The following HPS4 variants were observed in gnomAD, a reference collection of about 807,000 sequenced individuals.
HPS4 encodes the protein HPS4 biogenesis of lysosomal organelles complex 3 subunit 2.
HPS4 carries 44 observed loss-of-function variants against 70.3 expected under a neutral mutation model. The ratio of observed to expected loss-of-function variants is 0.63; its 90% CI spans 0.49 to 0.80. HPS4 has a LOEUF of 0.80. HPS4 is among the 30% of genes least tolerant of loss of function. The probability of loss-of-function intolerance (pLI) is 0.00; values close to 1 mark genes in which losing one functional copy is unlikely to be tolerated. For synonymous variants in HPS4, 377 were observed against 355.9 expected, an observed-to-expected ratio of 1.06 and a Z score of -0.67; for missense variants, 873 against 884.4, an observed-to-expected ratio of 0.99 and a Z score of 0.16.
intron 11 of HPS4, 35 bp downstream of exon 11, chr22:26,463,882 C>T (rs1242243181): frequency 1.9e-6 from 3 of 1,606,142 alleles, no homozygotes; most frequent in South Asian, 1.1e-5. Flanking sequence ...CGGCAGAGGC[C>T]GCAGAGGGGC....
chr22:26,446,984 G>A (rs887061881), downstream of HPS4, among the ~76,000 whole-genome samples: 3 of 152,146 alleles, frequency 2.0e-5, no homozygotes, highest in East Asian at 1.9e-4. Flanking sequence ...CCTCTGCCCC[G>A]CAAAGTGCTG....
At chr22:26,468,483 C>T (rs572970496) in intron 8 of HPS4, 68 bp downstream of exon 8, 16 of 1,382,832 alleles carry the variant, frequency 1.2e-5, no homozygotes, top group East Asian at 9.4e-5. Context: ...CTGATCCCTC[C>T]AGCCTCAGGC....
At chr22:26,468,890 T>G (rs1484086598) in intron 7 of HPS4, among the ~76,000 whole-genome samples, 3 of 151,832 alleles carry the variant, frequency 2.0e-5, no homozygotes, top group Non-Finnish European at 4.4e-5. Context: ...AAAAAATGAG[T>G]AAACCACCAA....
In HPS4 at chr22:26,464,270, G is replaced by T. The variant is rs186173240; in HGVS notation, c.1360C>A (p.Pro454Thr). 1.9e-6 allele frequency: 3 copies of T among 1,614,138 alleles called. No individual in the cohort carries two copies. Among genetic ancestry groups the T allele is most frequent in the East Asian group, 4.5e-5 (2 of 44,872 alleles). The change falls in exon 11 of 14, where the codon CCC (proline) becomes ACC (threonine). Residue 454 changes from proline to threonine, a missense_variant. Coordinates refer to ENST00000398145, the MANE Select transcript of HPS4 (RefSeq NM_022081.6). ...EDHPGHSSQA[P>T]IPRADPLPRR... ...GGGAGAGGGTCTGCTCTGGGAATGG[G>T]GGCTTGGCTGCTATGGCCAGGATGG...
chr22:26,468,351 G>C, intron 8 of HPS4, 200 bp downstream of exon 8: 1 of 620,006 alleles, frequency 1.6e-6, no homozygotes. Flanking sequence ...TCCAGGCCTA[G>C]CTCGTGGAAG....
rs766139027 is a variant in HPS4 at position 26,481,724 on chromosome 22, C to T, written c.39G>A (p.Ser13=). The T allele has an allele frequency of 1.1e-4, 170 of 1,614,116 alleles. No individual in the cohort carries two copies. Among genetic ancestry groups the T allele is most frequent in the Middle Eastern group, 1.6e-4 (1 of 6,062 alleles). The change falls in exon 2 of 14, where the codon TCG becomes TCA. Residue 13 remains serine (S), a splice_region_variant and synonymous_variant. Transcript: ENST00000398145. ...CCATGGCAGGCCTTGTTACTCACCA[C>T]GAGGCTGACTTTGCCTCTGTGGAGG... ...TSTSTEAKSA[S]WWNYFFLYDG...
At chr22:26,450,012 T>C (rs2085090398), downstream of HPS4, among the ~76,000 whole-genome samples, 1 of 152,154 alleles carries the variant, frequency 6.6e-6, no homozygotes, top group Non-Finnish European at 1.5e-5. Flanking sequence ...GCCACATCAC[T>C]CCAGTCTTTG....
intron 11 of HPS4, among the ~76,000 whole-genome samples, chr22:26,461,023 C>T (rs762871164): frequency 3.9e-5 from 6 of 152,172 alleles, no homozygotes; most frequent in South Asian, 2.1e-4. Flanking sequence ...TGCCAGCCAC[C>T]GATATATACT....
At position 26,464,092 on chromosome 22, in the gene HPS4, G is replaced by A. The variant is rs778346173; in HGVS notation, c.1538C>T (p.Ala513Val). The A allele has an allele frequency of 6.2e-7, 1 of 1,614,160 alleles. No homozygotes were observed. The highest frequency in any genetic ancestry group is 1.3e-5 in the African/African-American group (1 of 74,950). The change falls in exon 11 of 14, where the codon GCA (alanine) becomes GTA (valine). Residue 513 changes from alanine (A) to valine (V), a missense_variant. Physicochemically the swap from Ala to Val is moderately conservative, Grantham distance 64 (BLOSUM62 0). Coordinates refer to ENST00000398145, the MANE Select transcript of HPS4 (RefSeq NM_022081.6). ...AGAGGGGCCAGCACCCTGACAGTTT[G>A]CTGAGCCTGAACTGCATTCCAGACC... ...APGLECSSGSANCQGAGPSAD... is the reference protein window; with the variant it reads ...APGLECSSGSVNCQGAGPSAD...
intron 3 of HPS4, among the ~76,000 whole-genome samples, chr22:26,445,291 G>A (rs904363395): frequency 2.6e-5 from 4 of 152,062 alleles, no homozygotes; most frequent in African/African-American, 7.2e-5. Flanking sequence ...CCTAGGTCGC[G>A]CCAGTGCACT....
downstream of HPS4, among the ~76,000 whole-genome samples, chr22:26,450,377 T>C (rs566305892): frequency 2.6e-5 from 4 of 152,296 alleles, no homozygotes; most frequent in African/African-American, 4.8e-5. Flanking sequence ...CTTAGCCACA[T>C]TGGAAAAGAC....
At position 26,457,914 on chromosome 22, in the gene HPS4, T is replaced by C. The variant is rs2086450831; in HGVS notation, c.1900A>G (p.Ser634Gly). 6.2e-7 allele frequency: 1 copy of C among 1,614,218 alleles called. No individual in the cohort carries two copies. Among genetic ancestry groups the C allele is most frequent in the South Asian group, 1.1e-5 (1 of 91,086 alleles). ...PQDRRFLQAVSLMHSEFAQLP... is the reference protein window; with the variant it reads ...PQDRRFLQAVGLMHSEFAQLP... ...TGGGCAAATTCGCTATGCATCAGGC[T>C]GACGGCCTGGAGGAAGCGGCGATCC... Residue 634 changes from serine (S) to glycine (G), a missense_variant, in exon 13 of 14, where the codon AGC becomes GGC. Ser to Gly is a moderately conservative substitution (Grantham distance 56, BLOSUM62 0). Transcript: ENST00000398145.
At chr22:26,449,456 G>A (rs111299575), downstream of HPS4, among the ~76,000 whole-genome samples, 10,770 of 150,738 alleles carry the variant, frequency 0.071, 449 homozygotes, top group Middle Eastern at 0.12. Context: ...TCGGCCTCCC[G>A]AGTAGCTGGG....
chr22:26,477,718 A>T (rs1169035193), intron 3 of HPS4, among the ~76,000 whole-genome samples: 1 of 152,142 alleles, frequency 6.6e-6, no homozygotes, highest in Non-Finnish European at 1.5e-5. Flanking sequence ...CTTGAACCTC[A>T]CCAAGACTCT....
chr22:26,453,194 T>C lies in HPS4; in HGVS notation c.*39A>G, dbSNP rs199986587. The C allele has an allele frequency of 8.1e-5, 130 of 1,603,324 alleles. No individual in the cohort carries two copies. The African/African-American group carries it at 1.6e-3, about 20-fold the overall frequency. On this transcript the variant is annotated 3_prime_UTR_variant, in exon 14 of 14. Transcript: ENST00000398145. ...CAATTATAAAAGGCAGAGCTTCCTT[T>C]GCTGGTTTTCTCCTTCCCAGTCACC...
At position 26,464,550 on chromosome 22, in the gene HPS4, T is replaced by C. The variant is rs1246406328; in HGVS notation, c.1080A>G (p.Leu360=). The C allele has an allele frequency of 1.2e-6, 2 of 1,614,106 alleles. No individual in the cohort carries two copies. The highest frequency in any genetic ancestry group is 2.7e-5 in the African/African-American group (2 of 74,934). The change falls in exon 11 of 14, where the codon CTA becomes CTG. Residue 360 remains leucine (L), a synonymous_variant. Transcript: ENST00000398145. ...LGLSSSLGKE[L]VFLQEELDLS... ...AGTCGAGTTCTTCTTGGAGAAAGAC[T>C]AGTTCCTTCCCCAGGGAGGAGCTGA...
chr22:26,474,536 T>C (rs5761552), intron 4 of HPS4, among the ~76,000 whole-genome samples: 67,895 of 152,012 alleles, frequency 0.45, 15,700 homozygotes, highest in Middle Eastern at 0.49. Context: ...CAGTGGTTTT[T>C]TTCAGGCAAG....
intron 12 of HPS4, among the ~76,000 whole-genome samples, 161 bp from the exon 13 acceptor site, chr22:26,458,128 C>T (rs1401545036): frequency 2.0e-5 from 3 of 152,282 alleles, no homozygotes; most frequent in African/African-American, 7.2e-5. Context: ...CTTCGGCTGC[C>T]GCCGCTGTGC....
rs771929646 is a variant in HPS4, at chr22:26,453,307, G to C, written c.2053C>G (p.Pro685Ala). ...GAGAGGCTGAAGGCGCCATCCTGAG[G>C]GTTTGGGAAGCCGGAGCTCCGTGCT... ...PAARSSGFPN[P>A]QDGAFSLSGK... The change falls in exon 14 of 14, where the codon CCT becomes GCT. Residue 685 changes from proline (P) to alanine (A), a missense_variant. Transcript: ENST00000398145. 1.1e-5 allele frequency: 18 copies of C among 1,614,062 alleles called. No homozygotes were observed. Among genetic ancestry groups the C allele is most frequent in the Non-Finnish European group, 1.5e-5 (18 of 1,180,050 alleles).
Sources: gnomAD v4.1 joint callset for allele counts (sites outside exome capture counted in the v4.1 genomes callset) on GRCh38, gnomAD v4.1.1 for gene constraint, MANE v1.5 for transcripts, NCBI Gene and HGNC (gene_info 2026-07-23, HGNC 2026-07-21) for gene names.